DISP1: variants seen among roughly 807,000 people sequenced by gnomAD.
DISP1 encodes dispatched RND transporter family member 1.
In DISP1, 30 loss-of-function variants were observed where a neutral mutation model predicts 37.3. The ratio of observed to expected loss-of-function variants is 0.80; its 90% confidence interval spans 0.60 to 1.09. The LOEUF (loss-of-function observed/expected upper bound fraction) is 1.09. Ranked by LOEUF, DISP1 falls within the 50% of genes least tolerant of loss-of-function variation. The pLI is 0.00. For missense variants in DISP1, 1,598 were observed against 1,879.5 expected (o/e 0.85, Z 2.77); for synonymous variants, 634 against 690.2 (o/e 0.92, Z 1.28).
chr1:222,992,207 T>C (rs1321102846), intron 7 of DISP1, 97 bp downstream of exon 7: 14 of 945,380 alleles, frequency 1.5e-5, no homozygotes, highest in Non-Finnish European at 1.9e-5. Context: ...GTGTGGCTAG[T>C]CACACAGCTT....
intron 8 of DISP1, among the ~76,000 whole-genome samples, chr1:222,998,394 G>C (rs1679220057): frequency 6.6e-6 from 1 of 151,822 alleles, no homozygotes; most frequent in Non-Finnish European, 1.5e-5. Flanking sequence ...ATCTCAGTGA[G>C]ACCAGATGTT....
At chr1:222,871,216 C>T (rs546948701) in intron 1 of DISP1, among the ~76,000 whole-genome samples, 31 of 151,918 alleles carry the variant, frequency 2.0e-4, no homozygotes, top group African/African-American at 4.3e-4. Context: ...GTTTGAAGTC[C>T]GGTAGCATGA....
chr1:222,887,486 G>GTTTTT (rs940346379), intron 1 of DISP1, among the ~76,000 whole-genome samples: 117 of 83,120 alleles, frequency 1.4e-3, no homozygotes, highest in Middle Eastern at 0.012. Context: ...CATTGTTTTT[G>GTTTTT]TTTTTTTTTT....
chr1:222,889,074 GT>G (rs977982604), intron 1 of DISP1, among the ~76,000 whole-genome samples: 1 of 151,934 alleles, frequency 6.6e-6, no homozygotes, highest in Non-Finnish European at 1.5e-5. Context: ...TAAGATAAAT[GT>G]TTTTTTCCCC....
intron 4 of DISP1, among the ~76,000 whole-genome samples, chr1:222,984,677 T>G (rs1442033992): frequency 6.6e-6 from 1 of 151,974 alleles, no homozygotes; most frequent in Non-Finnish European, 1.5e-5. Context: ...AAGAGTACAG[T>G]TCATTGGCAT....
rs969359603 is a variant in DISP1 at position 223,004,382 on chromosome 1, A to G, written c.2985A>G (p.Ala995=). Residue 995 remains alanine (A), a synonymous_variant, in exon 9 of 9, where the codon GCA becomes GCG. Coordinates refer to ENST00000675850, the MANE Select transcript of DISP1 (RefSeq NM_001377229.1). The surrounding 1 kb of genome is among the most constrained non-coding windows in gnomAD (Gnocchi z 4.9). ...CCATGGGGCTGTCAGTTGCTGTTGC[A>G]TTTAGCGTGATGCTGCTGACAACTT... The part of the protein sequence containing the change: ...LIAMGLSVAV[A]FSVMLLTTWN... 2 of 1,614,024 alleles carry G rather than the reference A, an allele frequency of 1.2e-6. No individual in the cohort carries two copies. Among genetic ancestry groups the G allele is most frequent in the Non-Finnish European group, 1.7e-6 (2 of 1,180,034 alleles).
chr1:222,957,027 G>A (rs1675649257), intron 3 of DISP1, among the ~76,000 whole-genome samples: 1 of 151,220 alleles, frequency 6.6e-6, no homozygotes, highest in African/African-American at 2.4e-5. Context: ...TAACTTCATA[G>A]GCTAAGGAAG....
intron 1 of DISP1, among the ~76,000 whole-genome samples, chr1:222,926,654 A>G (rs1373270845): frequency 1.3e-5 from 2 of 152,210 alleles, no homozygotes; most frequent in African/African-American, 4.8e-5. Context: ...TAACAGCGCC[A>G]TAACTCATGC....
At chr1:222,959,631 G>A (rs538761005) in intron 3 of DISP1, among the ~76,000 whole-genome samples, 1 of 150,100 alleles carries the variant, frequency 6.7e-6, no homozygotes, top group Admixed American at 6.7e-5. Context: ...ACCTGGGAGA[G>A]GTAGGTTGCA....
chr1:222,952,144 G>C (rs1343909339), intron 3 of DISP1, among the ~76,000 whole-genome samples: 1 of 152,142 alleles, frequency 6.6e-6, no homozygotes, highest in African/African-American at 2.4e-5. Context: ...TCTTTTGCAA[G>C]AAGGAATAGC....
intron 1 of DISP1, among the ~76,000 whole-genome samples, chr1:222,921,546 G>A (rs2609396): frequency 0.57 from 87,309 of 152,030 alleles, 25,315 homozygotes; most frequent in South Asian, 0.71. Flanking sequence ...GCTAATTACT[G>A]TCATTCCTTA....
intron 3 of DISP1, among the ~76,000 whole-genome samples, chr1:222,981,745 T>G (rs1677854183): frequency 6.6e-6 from 1 of 152,210 alleles, no homozygotes; most frequent in Non-Finnish European, 1.5e-5. Flanking sequence ...GTAGGAAGTT[T>G]GGAGGACAGG....
chr1:222,988,542 A>G (rs1339716385), intron 4 of DISP1, among the ~76,000 whole-genome samples: 1 of 151,432 alleles, frequency 6.6e-6, no homozygotes, highest in Non-Finnish European at 1.5e-5. Flanking sequence ...ACGAGCTTGT[A>G]TTTATTTATT....
chr1:223,000,254 T>A (rs1479259012), intron 8 of DISP1, among the ~76,000 whole-genome samples: 1 of 152,200 alleles, frequency 6.6e-6, no homozygotes, highest in East Asian at 1.9e-4. Flanking sequence ...ATTCAGTTCA[T>A]CAAGCTGACC....
chr1:222,869,530 T>G (rs966608554), intron 1 of DISP1, among the ~76,000 whole-genome samples: 4 of 152,170 alleles, frequency 2.6e-5, no homozygotes, highest in Admixed American at 2.6e-4. Context: ...TAACCAAGAC[T>G]TGATTCAAGC....
intron 1 of DISP1, among the ~76,000 whole-genome samples, chr1:222,897,909 G>A (rs912937709): frequency 6.6e-6 from 1 of 152,106 alleles, no homozygotes; most frequent in Admixed American, 6.6e-5. Context: ...ATTTTCAAAA[G>A]TATATTCCCC....
intron 1 of DISP1, among the ~76,000 whole-genome samples, chr1:222,925,431 A>G (rs1201404526): frequency 6.6e-6 from 1 of 152,126 alleles, no homozygotes; most frequent in Admixed American, 6.5e-5. Flanking sequence ...GAGTGTTAAA[A>G]TACCTTCATT....
intron 4 of DISP1, among the ~76,000 whole-genome samples, chr1:222,986,675 A>G (rs1256299012): frequency 2.0e-5 from 3 of 152,166 alleles, no homozygotes; most frequent in Non-Finnish European, 4.4e-5. Flanking sequence ...GTAAAAGGAG[A>G]ATGAGCCCTT....
At chr1:222,979,633 A>T in intron 3 of DISP1, 1 of 471,154 alleles carries the variant, frequency 2.1e-6, no homozygotes, top group South Asian at 1.5e-5. Flanking sequence ...TTCACCAGAA[A>T]AACTAAGTGT....
Sources: gnomAD v4.1 joint callset for allele counts (sites outside exome capture counted in the v4.1 genomes callset) on GRCh38, gnomAD v4.1.1 for gene constraint, Gnocchi (gnomAD v3.1) non-coding constraint, MANE v1.5 for transcripts, NCBI Gene and HGNC (gene_info 2026-07-23, HGNC 2026-07-21) for gene names.